SORCS2: variants seen among roughly 807,000 people sequenced by gnomAD.
The protein encoded by SORCS2 is sortilin related VPS10 domain containing receptor 2.
Under a neutral mutation model 141.6 loss-of-function variants are expected in SORCS2, and 100 were observed. The observed-to-expected ratio is 0.71, with a 90% CI of 0.60 to 0.83. The LOEUF is 0.83. Ranked by LOEUF, SORCS2 falls within the 40% of genes least tolerant of loss-of-function variation. SORCS2 has a pLI of 0.00. For missense variants in SORCS2, 1,646 were observed against 1,560.2 expected (o/e 1.05, Z -0.93); for synonymous variants, 789 against 676.9 (o/e 1.17, Z -2.57).
chr4:7,675,527 C>T (rs189451379), intron 8 of SORCS2, among the ~76,000 whole-genome samples: 12 of 152,334 alleles, frequency 7.9e-5, no homozygotes, highest in Admixed American at 7.8e-4. Flanking sequence ...ACACCTGGCT[C>T]CCCACTGCAC....
chr4:7,528,488 C>T (rs984874630), intron 2 of SORCS2, among the ~76,000 whole-genome samples: 2 of 151,922 alleles, frequency 1.3e-5, no homozygotes, highest in East Asian at 1.9e-4. Context: ...TGCAGTGGTG[C>T]GATCTCAGCT....
intron 2 of SORCS2, among the ~76,000 whole-genome samples, chr4:7,521,754 C>G (rs987425979): frequency 6.6e-6 from 1 of 152,220 alleles, no homozygotes; most frequent in Non-Finnish European, 1.5e-5. Flanking sequence ...CCCACTGGGC[C>G]TCAGTTTCCC....
intron 2 of SORCS2, among the ~76,000 whole-genome samples, chr4:7,451,512 T>G (rs548861029): frequency 1.3e-5 from 2 of 152,376 alleles, no homozygotes; most frequent in Admixed American, 1.3e-4. Context: ...CTGTCCCTAC[T>G]CCTGAAGAGT....
intron 1 of SORCS2, among the ~76,000 whole-genome samples, chr4:7,309,735 G>A (rs997958324): frequency 6.6e-6 from 1 of 152,188 alleles, no homozygotes; most frequent in Non-Finnish European, 1.5e-5. Context: ...TCAAGCGTGG[G>A]CGGGGACGAG....
chr4:7,345,388 G>A (rs539100779), intron 1 of SORCS2, among the ~76,000 whole-genome samples: 3 of 152,300 alleles, frequency 2.0e-5, no homozygotes, highest in African/African-American at 4.8e-5. Context: ...TGCTGTTGTT[G>A]GAAGGGGCTG....
Position 7,715,268 on chromosome 4 carries a change from C to T in SORCS2, c.2209C>T (p.Pro737Ser). The change falls in exon 17 of 27, where the codon CCT becomes TCT. Residue 737 changes from proline to serine, a missense_variant. Pro to Ser is a moderately conservative substitution (Grantham distance 74). Transcript: ENST00000507866. The part of the protein sequence containing the change: ...ANFWFNPLSP[P>S]DDCALGQTYT... Reference sequence around the variant, plus strand: ...CTTCTGGTTTAACCCATTGTCCCCGCCTGACGACTGTGCCCTGGGCCAGAC... The same window carrying T: ...CTTCTGGTTTAACCCATTGTCCCCGTCTGACGACTGTGCCCTGGGCCAGAC... 2 of 1,613,204 alleles carry T rather than the reference C, an allele frequency of 1.2e-6. No individual in the cohort carries two copies. The highest frequency in any genetic ancestry group is 1.7e-6 in the Non-Finnish European group (2 of 1,179,750).
At chr4:7,484,317 AC>A (rs545244641) in intron 2 of SORCS2, among the ~76,000 whole-genome samples, 106 of 152,290 alleles carry the variant, frequency 7.0e-4, no homozygotes, top group African/African-American at 2.5e-3. Context: ...CTGTCACCCG[AC>A]TTTTACATTT....
At chr4:7,580,507 A>T (rs1274726664) in intron 3 of SORCS2, among the ~76,000 whole-genome samples, 1 of 152,138 alleles carries the variant, frequency 6.6e-6, no homozygotes, top group African/African-American at 2.4e-5. Flanking sequence ...GGAAAAAGAA[A>T]TTGTTTTGCA....
Position 7,565,044 on chromosome 4 carries a change from C to T in SORCS2, c.648+33415C>T, listed in dbSNP as rs534493056. Among the ~76,000 whole-genome samples, 6 of 152,232 alleles carry T rather than the reference C, an allele frequency of 3.9e-5. No homozygotes were observed. The East Asian group carries it at 1.2e-3, about 29-fold the overall frequency. ...CTCCTCCTCATGTTACGATTGAGGC[C>T]CGTGTGTTAGCTACCTCGAGCCAAA... is the stretch of plus-strand genomic sequence containing the variant. On this transcript the variant is annotated intron_variant, in intron 3 of 26. Coordinates refer to ENST00000507866, the MANE Select transcript of SORCS2 (RefSeq NM_020777.3).
chr4:7,328,114 C>T (rs1388532398), intron 1 of SORCS2, among the ~76,000 whole-genome samples: 1 of 150,074 alleles, frequency 6.7e-6, no homozygotes, highest in East Asian at 1.9e-4. Context: ...CAACCTCTGC[C>T]TCACAGGTTC....
At chr4:7,724,328 G>GT (rs774630418) in intron 19 of SORCS2, among the ~76,000 whole-genome samples, 1,626 of 103,708 alleles carry the variant, frequency 0.016, 3 homozygotes, top group African/African-American at 0.04. Context: ...GGTGGTGATA[G>GT]GGTGATGGTG....
At chr4:7,348,990 CAG>C (rs994284692) in intron 1 of SORCS2, among the ~76,000 whole-genome samples, 81 of 152,354 alleles carry the variant, frequency 5.3e-4, no homozygotes, top group African/African-American at 1.9e-3. Flanking sequence ...ACAGAAAAGA[CAG>C]AGACACCCCT....
intron 20 of SORCS2, among the ~76,000 whole-genome samples, chr4:7,726,321 A>G (rs1035748914): frequency 2.6e-5 from 4 of 152,194 alleles, no homozygotes; most frequent in African/African-American, 9.6e-5. Flanking sequence ...TGGGACCTCA[A>G]GTTCGTGCTG....
chr4:7,492,181 C>T (rs761318271), intron 2 of SORCS2, among the ~76,000 whole-genome samples: 5 of 152,256 alleles, frequency 3.3e-5, no homozygotes, highest in Non-Finnish European at 7.3e-5. Flanking sequence ...CAGGGCTGCC[C>T]ACCTCCCGCC....
At chr4:7,658,369 A>G (rs1721942378) in intron 5 of SORCS2, among the ~76,000 whole-genome samples, 1 of 151,136 alleles carries the variant, frequency 6.6e-6, no homozygotes, top group Non-Finnish European at 1.5e-5. Context: ...CCTGTGCCCC[A>G]GGTGTCATTG....
Position 7,192,603 on chromosome 4 carries a change from T to A in SORCS2, c.-44T>A, listed in dbSNP as rs535609144. Reference sequence around the variant, plus strand: ...TGCTCTCCCGGCCGCGGTCCCCTCGTCCGCGCCGCCCCGCCGCCGGCTCCG... The same window carrying A: ...TGCTCTCCCGGCCGCGGTCCCCTCGACCGCGCCGCCCCGCCGCCGGCTCCG... On this transcript the variant is annotated 5_prime_UTR_variant, in exon 1 of 27. Transcript: ENST00000507866. The surrounding 1 kb of genome is among the most constrained non-coding windows in gnomAD (Gnocchi z 4.0). 1 of 986,668 alleles carries A rather than the reference T, an allele frequency of 1.0e-6. No homozygotes were observed. The highest frequency in any genetic ancestry group is 1.2e-6 in the Non-Finnish European group (1 of 831,550). The allele number at this position is 986,668 out of a possible 1,614,324, so 61.1% of individuals were successfully genotyped here. A position where few individuals can be genotyped will look rare whatever the true frequency, so the allele number is the denominator to read the frequency against.
chr4:7,298,890 C>T (rs971948994), intron 1 of SORCS2, among the ~76,000 whole-genome samples: 3 of 152,242 alleles, frequency 2.0e-5, no homozygotes, highest in Non-Finnish European at 2.9e-5. Context: ...GCCCGCAAGC[C>T]CGCCTCCATT....
intron 1 of SORCS2, among the ~76,000 whole-genome samples, chr4:7,234,526 G>A (rs190710480): frequency 1.3e-5 from 2 of 152,352 alleles, no homozygotes; most frequent in Non-Finnish European, 2.9e-5. Context: ...GGCGGCCGAC[G>A]TGGCCACATA....
At chr4:7,300,635 C>G (rs755348754) in intron 1 of SORCS2, among the ~76,000 whole-genome samples, 4 of 152,240 alleles carry the variant, frequency 2.6e-5, no homozygotes, top group Non-Finnish European at 5.9e-5. Flanking sequence ...GATGAGGACA[C>G]TGGGGCAGAG....
Sources: allele counts gnomAD v4.1 joint callset (sites outside exome capture counted in the v4.1 genomes callset), GRCh38; gene constraint gnomAD v4.1.1; non-coding constraint Gnocchi (gnomAD v3.1); transcripts MANE v1.5; gene names NCBI Gene and HGNC (gene_info 2026-07-23, HGNC 2026-07-21).